The following DKK2 variants were observed in gnomAD, a reference collection of about 807,000 sequenced individuals.
DKK2 encodes the protein dickkopf Wnt signaling pathway inhibitor 2, also known as dickkopf-related protein 2.
A neutral mutation model predicts 28.1 loss-of-function variants in DKK2; 11 were observed. The ratio of observed to expected loss-of-function variants is 0.39; its 90% CI spans 0.25 to 0.65. DKK2 has a LOEUF of 0.65. DKK2 is among the 30% of genes least tolerant of loss of function. The pLI, the probability that DKK2 is intolerant of heterozygous loss-of-function variation, is 0.47. For synonymous variants in DKK2, 135 were observed against 126.5 expected (o/e 1.07, Z -0.45); for missense variants, 326 against 335.5 (o/e 0.97, Z 0.22).
chr4:107,000,507 C>T (rs926554552), intron 1 of DKK2, among the ~76,000 whole-genome samples: 1 of 152,146 alleles, frequency 6.6e-6, no homozygotes, highest in Non-Finnish European at 1.5e-5. Context: ...GAATTTAAAC[C>T]TGCATATTTC....
At chr4:106,942,969 A>C (rs1433220761) in intron 1 of DKK2, among the ~76,000 whole-genome samples, 1 of 151,962 alleles carries the variant, frequency 6.6e-6, no homozygotes, top group Non-Finnish European at 1.5e-5. Context: ...TGTATTATAC[A>C]CTCCAGCTGT....
intron 1 of DKK2, among the ~76,000 whole-genome samples, chr4:106,983,925 T>A (rs901135197): frequency 9.9e-5 from 15 of 152,098 alleles, no homozygotes; most frequent in African/African-American, 3.6e-4. Flanking sequence ...TACACACCTA[T>A]CAGAATGCTA....
At chr4:106,972,921 G>A (rs973443246) in intron 1 of DKK2, among the ~76,000 whole-genome samples, 1 of 152,174 alleles carries the variant, frequency 6.6e-6, no homozygotes, top group Admixed American at 6.6e-5. Flanking sequence ...CCCAGTGAGT[G>A]ATGTTCCCTT....
intron 1 of DKK2, among the ~76,000 whole-genome samples, chr4:106,958,201 A>G (rs1163467732): frequency 6.6e-6 from 1 of 151,282 alleles, no homozygotes; most frequent in Admixed American, 6.6e-5. Context: ...CTTTGTTGGG[A>G]GCATTATTAA....
At chr4:106,955,174 C>A (rs1722571666) in intron 1 of DKK2, among the ~76,000 whole-genome samples, 2 of 151,964 alleles carry the variant, frequency 1.3e-5, no homozygotes, top group African/African-American at 4.8e-5. Flanking sequence ...ACTGAATGGG[C>A]TTTTATTTTT....
chr4:106,927,990 T>G (rs1049007831), intron 1 of DKK2, among the ~76,000 whole-genome samples: 1 of 152,264 alleles, frequency 6.6e-6, no homozygotes, highest in Non-Finnish European at 1.5e-5. Flanking sequence ...CCCCCCAAAA[T>G]AGTCCACAGG....
chr4:106,923,823 G>T lies in DKK2; in HGVS notation c.*131C>A. 4.0e-6 allele frequency: 5 copies of T among 1,259,108 alleles called. No homozygotes were observed. In the Admixed American group the frequency reaches 7.2e-5, roughly 18 times the overall value. 78.0% of individuals were successfully genotyped at this position (1,259,108 alleles called of 1,614,324 possible). A position where few individuals can be genotyped will look rare whatever the true frequency, so the allele number is the denominator to read the frequency against. On this transcript the variant is annotated 3_prime_UTR_variant, in exon 4 of 4. Coordinates refer to ENST00000285311, the MANE Select transcript of DKK2 (RefSeq NM_014421.3). ...TCATGTTTTCTTTCTCCCTTTTTGTGATCATCTATATTCTTATCACGTTTC... is the reference window on the plus strand; with the variant it reads ...TCATGTTTTCTTTCTCCCTTTTTGTTATCATCTATATTCTTATCACGTTTC...
chr4:106,957,575 A>C (rs948302231), intron 1 of DKK2, among the ~76,000 whole-genome samples: 2 of 151,886 alleles, frequency 1.3e-5, no homozygotes, highest in Non-Finnish European at 2.9e-5. Flanking sequence ...ATGCAGCCAT[A>C]AAAAATGATG....
At chr4:107,018,108 C>G (rs1348239634) in intron 1 of DKK2, among the ~76,000 whole-genome samples, 3 of 151,924 alleles carry the variant, frequency 2.0e-5, no homozygotes, top group Non-Finnish European at 4.4e-5. Flanking sequence ...CACCACACAC[C>G]CTCGATCTGA....
At chr4:107,019,951 T>C (rs1003516378) in intron 1 of DKK2, among the ~76,000 whole-genome samples, 1 of 152,026 alleles carries the variant, frequency 6.6e-6, no homozygotes. Context: ...AACATCTTGG[T>C]CCCACCATTA....
intron 1 of DKK2, among the ~76,000 whole-genome samples, chr4:106,940,036 G>A (rs1031838519): frequency 6.6e-6 from 1 of 152,084 alleles, no homozygotes; most frequent in Non-Finnish European, 1.5e-5. Flanking sequence ...TACCATTCAG[G>A]ACATAGGCAT....
At chr4:106,956,215 C>A (rs1374332744) in intron 1 of DKK2, among the ~76,000 whole-genome samples, 1 of 152,150 alleles carries the variant, frequency 6.6e-6, no homozygotes, top group Non-Finnish European at 1.5e-5. Context: ...AGGACCCCTT[C>A]AAGGAGAACT....
chr4:106,932,856 C>T (rs1724523146), intron 1 of DKK2, among the ~76,000 whole-genome samples: 1 of 152,120 alleles, frequency 6.6e-6, no homozygotes, highest in Non-Finnish European at 1.5e-5. Flanking sequence ...CCTAATTTTA[C>T]TTCAGAGAAG....
Position 106,923,328 on chromosome 4 carries a change from C to G in DKK2, c.*626G>C, listed in dbSNP as rs556073551. 6.6e-6 allele frequency: 1 copy of G among 152,268 alleles called. No homozygotes were observed. Among genetic ancestry groups the G allele is most frequent in the East Asian group, 1.9e-4 (1 of 5,184 alleles). The allele number at this position is 152,268 out of a possible 1,614,324, so 9.4% of individuals were successfully genotyped here. On this transcript the variant is annotated 3_prime_UTR_variant, in exon 4 of 4. Transcript: ENST00000285311. ...TGTTATTTATTTGTCTTCCTAAAGG[C>G]CTTCCTAAACAACTGGCCATTATTT...
rs772738812 is a variant in DKK2 at position 107,035,585 on chromosome 4, C to T, written c.7G>A (p.Ala3Thr). Residue 3 changes from alanine (A) to threonine (T), a missense_variant, in exon 1 of 4, where the codon GCG (alanine) becomes ACG (threonine). Coordinates refer to ENST00000285311, the MANE Select transcript of DKK2 (RefSeq NM_014421.3). ...GACGAATCCTTGCTCCGCATCAACGCGGCCATCTCCCGGCGAGGGGGTCCC... is the reference window on the plus strand; with the variant it reads ...GACGAATCCTTGCTCCGCATCAACGTGGCCATCTCCCGGCGAGGGGGTCCC... MA[A>T]LMRSKDSSCC... 9 of 1,613,974 alleles carry T rather than the reference C, an allele frequency of 5.6e-6. No homozygotes were observed. In the South Asian group the frequency reaches 8.8e-5, roughly 16 times the overall value.
intron 1 of DKK2, among the ~76,000 whole-genome samples, chr4:106,940,957 G>T (rs1179894166): frequency 2.0e-5 from 3 of 151,922 alleles, no homozygotes; most frequent in African/African-American, 4.8e-5. Context: ...GGGGACTGTT[G>T]TGTGGTGGGG....
intron 1 of DKK2, among the ~76,000 whole-genome samples, chr4:106,942,412 A>G (rs1207096588): frequency 6.6e-6 from 1 of 152,130 alleles, no homozygotes; most frequent in Non-Finnish European, 1.5e-5. Context: ...TAGTCTATTT[A>G]AAGAGTATAC....
chr4:106,927,398 G>T (rs1724439589), intron 1 of DKK2, among the ~76,000 whole-genome samples: 1 of 152,112 alleles, frequency 6.6e-6, no homozygotes, highest in Non-Finnish European at 1.5e-5. Context: ...TTATGTACGA[G>T]TCTGAGAGAT....
intron 1 of DKK2, among the ~76,000 whole-genome samples, chr4:106,950,675 CTCTG>C (rs1176231336): frequency 6.6e-6 from 1 of 152,186 alleles, no homozygotes; most frequent in Non-Finnish European, 1.5e-5. Context: ...AGCACAAGTT[CTCTG>C]TCTTTTAGTC....
Sources: gnomAD v4.1 joint callset for allele counts (sites outside exome capture counted in the v4.1 genomes callset) on GRCh38, gnomAD v4.1.1 for gene constraint, MANE v1.5 for transcripts, NCBI Gene and HGNC (gene_info 2026-07-23, HGNC 2026-07-21) for gene names.